Variants in MRE11 observed in about 807,000 individuals in gnomAD.
MRE11 encodes double-strand break repair protein MRE11.
In MRE11, 62 loss-of-function variants were observed where a neutral mutation model predicts 91.7. The ratio of observed to expected loss-of-function variants is 0.68; its 90% CI spans 0.55 to 0.84. The LOEUF is 0.84. Ranked by LOEUF, MRE11 falls within the 40% of genes least tolerant of loss-of-function variation. The pLI, the probability that MRE11 is intolerant of heterozygous loss-of-function variation, is 0.00. For missense variants in MRE11, 796 were observed against 852.9 expected (o/e 0.93, Z 0.83); for synonymous variants, 273 against 271.4 (o/e 1.01, Z -0.06).
chr11:94,492,536 TAAAC>T (rs761162413), intron 2 of MRE11: 46 of 666,054 alleles, frequency 6.9e-5, no homozygotes, highest in Non-Finnish European at 1.1e-4. Flanking sequence ...CCTAAGAACA[TAAAC>T]AATACTATAT....
At chr11:94,511,260 T>C in the MRE11 span, among the ~76,000 whole-genome samples, 2 of 152,240 alleles carry the variant, frequency 1.3e-5, no homozygotes, top group African/African-American at 4.8e-5. Flanking sequence ...GCTTTTGCTA[T>C]GTGAGCTGCC....
At chr11:94,463,118 A>C (rs1275189176) in intron 11 of MRE11, among the ~76,000 whole-genome samples, 1 of 152,240 alleles carries the variant, frequency 6.6e-6, no homozygotes, top group Non-Finnish European at 1.5e-5. Flanking sequence ...AAAGTGGGTG[A>C]AGGATATGAA....
At chr11:94,470,397 A>G (rs907332790) in intron 9 of MRE11, 74 bp downstream of exon 9, 11 of 1,446,820 alleles carry the variant, frequency 7.6e-6, no homozygotes, top group East Asian at 2.3e-5. Context: ...CCTCTACTCT[A>G]TTAAATTACT....
chr11:94,491,683 TCA>T (rs1947288154), intron 2 of MRE11, among the ~76,000 whole-genome samples: 1 of 152,232 alleles, frequency 6.6e-6, no homozygotes, highest in African/African-American at 2.4e-5. Flanking sequence ...AACTGCTTTA[TCA>T]CATAACTAGT....
chr11:94,470,420 AAT>A lies in MRE11; in HGVS notation c.1017+49_1017+50del. 3.9e-6 allele frequency: 6 copies of A among 1,553,670 alleles called. 1 individual carries two copies. In the Middle Eastern group the frequency reaches 6.5e-4, roughly 168 times the overall value. On this transcript the variant is annotated intron_variant, in intron 9 of 19. Transcript: ENST00000323929. ...CTATTAAATTACTTAATTGAAGGTG[AAT>A]AATTCTTCAACTAAAGTAGATCTCA...
upstream of MRE11, chr11:94,497,129 G>A: frequency 2.6e-6 from 2 of 767,976 alleles, no homozygotes; most frequent in South Asian, 1.7e-5. Flanking sequence ...GTATTATTTG[G>A]GGGTTTAAGG....
intron 7 of MRE11, among the ~76,000 whole-genome samples, chr11:94,476,028 AACAAAAAG>A (rs1485712009): frequency 1.3e-5 from 2 of 152,212 alleles, no homozygotes; most frequent in Non-Finnish European, 2.9e-5. Flanking sequence ...TGGATAATCC[AACAAAAAG>A]ATTCTACCTT....
chr11:94,428,210 C>T (rs1945374999), intron 19 of MRE11, among the ~76,000 whole-genome samples: 1 of 152,120 alleles, frequency 6.6e-6, no homozygotes, highest in East Asian at 1.9e-4. Flanking sequence ...ACCAATGGAA[C>T]AGAACAGAGA....
intron 10 of MRE11, among the ~76,000 whole-genome samples, chr11:94,464,942 TA>T (rs1416785960): frequency 6.6e-6 from 1 of 152,154 alleles, no homozygotes; most frequent in East Asian, 1.9e-4. Flanking sequence ...GCTCCCTAAC[TA>T]AAGTGCTCCC....
chr11:94,496,843 T>C, upstream of MRE11: 1 of 1,613,520 alleles, frequency 6.2e-7, no homozygotes, highest in Non-Finnish European at 8.5e-7. Context: ...GCAATTCTGA[T>C]GAAGATGAGG....
At chr11:94,433,438 A>G (rs1280356738) in intron 18 of MRE11, among the ~76,000 whole-genome samples, 1 of 152,192 alleles carries the variant, frequency 6.6e-6, no homozygotes, top group Non-Finnish European at 1.5e-5. Context: ...TCCACCACAC[A>G]TTAGTCATTG....
At chr11:94,459,359 TAAAGAC>T (rs1345115111) in intron 13 of MRE11, 43 bp downstream of exon 13, 13 of 1,600,550 alleles carry the variant, frequency 8.1e-6, no homozygotes, top group Non-Finnish European at 9.4e-6. Context: ...GAGCTACTCT[TAAAGAC>T]AGACTATTTA....
intron 14 of MRE11, 111 bp from the exon 15 acceptor site, chr11:94,447,549 G>A (rs549513871): frequency 8.7e-5 from 97 of 1,113,848 alleles, no homozygotes; most frequent in Non-Finnish European, 1.2e-4. Flanking sequence ...CATAAAGGAG[G>A]CTGACACAGT....
At chr11:94,450,840 T>C (rs1018249767) in intron 14 of MRE11, among the ~76,000 whole-genome samples, 3 of 152,174 alleles carry the variant, frequency 2.0e-5, no homozygotes, top group East Asian at 1.9e-4. Flanking sequence ...CATATATTAA[T>C]AGATTTTAAA....
chr11:94,497,180 A>T (rs1189684217), upstream of MRE11: 2 of 591,714 alleles, frequency 3.4e-6, no homozygotes, highest in African/African-American at 3.7e-5. Flanking sequence ...TCTATATTTT[A>T]AAATCATTTA....
chr11:94,460,181 G>C (rs1946377393), intron 12 of MRE11, among the ~76,000 whole-genome samples: 1 of 152,166 alleles, frequency 6.6e-6, no homozygotes, highest in Non-Finnish European at 1.5e-5. Flanking sequence ...TTCTCCCTTA[G>C]AGCCTCCAAA....
chr11:94,503,705 A>G, the MRE11 span, among the ~76,000 whole-genome samples: 34 of 151,996 alleles, frequency 2.2e-4, no homozygotes, highest in African/African-American at 7.7e-4. Flanking sequence ...CAAAAAAAAA[A>G]AAAGAAAGAA....
intron 6 of MRE11, among the ~76,000 whole-genome samples, chr11:94,477,899 G>A (rs1366964254): frequency 1.3e-5 from 2 of 152,184 alleles, no homozygotes; most frequent in East Asian, 3.8e-4. Context: ...TAAGAGAACT[G>A]CATGGGACAC....
chr11:94,461,847 G>A (rs1007641946), intron 11 of MRE11, among the ~76,000 whole-genome samples: 12 of 152,128 alleles, frequency 7.9e-5, no homozygotes, highest in African/African-American at 1.4e-4. Context: ...AGGCCGAGGT[G>A]GGCGGATCAC....
Sources: gnomAD v4.1 joint callset for allele counts (sites outside exome capture counted in the v4.1 genomes callset) on GRCh38, gnomAD v4.1.1 for gene constraint, MANE v1.5 for transcripts, NCBI Gene and HGNC (gene_info 2026-07-23, HGNC 2026-07-21) for gene names.